Variants in NALF1 observed in about 807,000 individuals in gnomAD.
The protein encoded by NALF1 is family with sequence similarity 155 member A.
In NALF1, 3 loss-of-function variants were observed where a neutral mutation model predicts 48.4. That is an observed-to-expected ratio of 0.06 (90% CI 0.03 to 0.16). NALF1 has a LOEUF of 0.16. NALF1 is among the 10% of genes least tolerant of loss of function. The probability of loss-of-function intolerance (pLI) is 1.00; values close to 1 mark genes in which losing one functional copy is unlikely to be tolerated. For missense variants in NALF1, 526 were observed against 571.5 expected (o/e 0.92, Z 0.81); for synonymous variants, 262 against 245.7 (o/e 1.07, Z -0.62).
chr13:107,203,364 C>T (rs1413806227), intron 2 of NALF1, among the ~76,000 whole-genome samples: 1 of 152,154 alleles, frequency 6.6e-6, no homozygotes, highest in African/African-American at 2.4e-5. Flanking sequence ...GAGGAGATCA[C>T]TACATGCTTT....
chr13:107,675,196 T>C (rs948684965), intron 1 of NALF1, among the ~76,000 whole-genome samples: 1 of 152,212 alleles, frequency 6.6e-6, no homozygotes, highest in East Asian at 1.9e-4. Context: ...ACCATTTCCA[T>C]AGCAACTTGC....
chr13:107,363,259 A>T (rs903328474), intron 1 of NALF1, among the ~76,000 whole-genome samples: 10 of 152,160 alleles, frequency 6.6e-5, no homozygotes, highest in African/African-American at 2.4e-4. Flanking sequence ...TTGATTCTTG[A>T]TGAGGTTGGT....
intron 1 of NALF1, among the ~76,000 whole-genome samples, chr13:107,333,896 C>A (rs887068107): frequency 2.0e-5 from 3 of 152,106 alleles, no homozygotes; most frequent in East Asian, 1.9e-4. Context: ...CTGTGATTTG[C>A]AAGTTTCAGA....
chr13:107,541,612 G>GCCCTT (rs1196155334), intron 1 of NALF1, among the ~76,000 whole-genome samples: 10 of 152,056 alleles, frequency 6.6e-5, no homozygotes, highest in African/African-American at 1.9e-4. Flanking sequence ...TATGCACTGT[G>GCCCTT]CCCTTCAGTT....
At chr13:107,398,735 C>T (rs1482994888) in intron 1 of NALF1, among the ~76,000 whole-genome samples, 1 of 152,056 alleles carries the variant, frequency 6.6e-6, no homozygotes, top group Non-Finnish European at 1.5e-5. Flanking sequence ...TGGTAGATAG[C>T]TGGAACTGAA....
chr13:107,556,390 G>A (rs1338381651), intron 1 of NALF1, among the ~76,000 whole-genome samples: 3 of 149,706 alleles, frequency 2.0e-5, no homozygotes, highest in Non-Finnish European at 4.4e-5. Flanking sequence ...ATAATATTTG[G>A]ATCAGAACTT....
intron 1 of NALF1, among the ~76,000 whole-genome samples, chr13:107,354,036 C>T (rs1286384515): frequency 6.6e-6 from 1 of 152,192 alleles, no homozygotes; most frequent in African/African-American, 2.4e-5. Context: ...GAATACTGCT[C>T]TAATTCACGC....
intron 1 of NALF1, among the ~76,000 whole-genome samples, chr13:107,409,602 G>A (rs906109810): frequency 7.2e-5 from 11 of 152,152 alleles, no homozygotes; most frequent in Admixed American, 4.6e-4. Context: ...GACATCAGTC[G>A]TGGTAAATCA....
intron 1 of NALF1, among the ~76,000 whole-genome samples, chr13:107,588,600 C>T (rs900961790): frequency 1.3e-5 from 2 of 152,080 alleles, no homozygotes; most frequent in African/African-American, 4.8e-5. Flanking sequence ...AATCTGCTGT[C>T]TGTGAGTGTA....
intron 1 of NALF1, among the ~76,000 whole-genome samples, chr13:107,766,480 G>C (rs775770687): frequency 6.6e-6 from 1 of 152,082 alleles, no homozygotes; most frequent in South Asian, 2.1e-4. Context: ...CTGAAACGCA[G>C]AACTGTTCAT....
chr13:107,262,060 T>C (rs139452054), intron 1 of NALF1, among the ~76,000 whole-genome samples: 2,097 of 152,256 alleles, frequency 0.014, 34 homozygotes, highest in African/African-American at 0.046. Flanking sequence ...AATAAATAAA[T>C]GAATAAATAA....
chr13:107,641,922 C>T (rs534576650), intron 1 of NALF1, among the ~76,000 whole-genome samples: 16 of 152,284 alleles, frequency 1.1e-4, no homozygotes. Flanking sequence ...ATACCACACC[C>T]ATTAAATCCA....
At chr13:107,238,948 T>A (rs923384631) in intron 1 of NALF1, among the ~76,000 whole-genome samples, 5 of 152,062 alleles carry the variant, frequency 3.3e-5, no homozygotes, top group Non-Finnish European at 5.9e-5. Context: ...GGGGGATGGA[T>A]TTTAATGGTG....
intron 1 of NALF1, among the ~76,000 whole-genome samples, chr13:107,794,042 G>A (rs569881808): frequency 8.7e-4 from 133 of 152,182 alleles, no homozygotes; most frequent in Non-Finnish European, 1.3e-3. Context: ...CCAAACAGGA[G>A]AGAGAATTTC....
intron 1 of NALF1, among the ~76,000 whole-genome samples, chr13:107,322,653 T>C (rs538060535): frequency 6.6e-6 from 1 of 152,298 alleles, no homozygotes; most frequent in South Asian, 2.1e-4. Flanking sequence ...CCTCTGGTCC[T>C]GGGAACCTCA....
chr13:107,205,343 G>A (rs1879615102), intron 2 of NALF1, among the ~76,000 whole-genome samples: 1 of 152,070 alleles, frequency 6.6e-6, no homozygotes, highest in South Asian at 2.1e-4. Context: ...TCACTCACAA[G>A]TAAACCGTGA....
At chr13:107,450,507 C>T (rs1472265967) in intron 1 of NALF1, among the ~76,000 whole-genome samples, 4 of 152,062 alleles carry the variant, frequency 2.6e-5, no homozygotes. Flanking sequence ...GAGGATGAAG[C>T]GCAGGAATAA....
At chr13:107,418,557 A>T (rs1349280894) in intron 1 of NALF1, among the ~76,000 whole-genome samples, 1 of 151,942 alleles carries the variant, frequency 6.6e-6, no homozygotes, top group African/African-American at 2.4e-5. Flanking sequence ...TTTTTCCCCC[A>T]ACTTTTATTT....
chr13:107,172,682 C>T (rs893052302), intron 2 of NALF1, among the ~76,000 whole-genome samples: 17 of 152,200 alleles, frequency 1.1e-4, no homozygotes, highest in African/African-American at 3.6e-4. Flanking sequence ...CTAGACTAAT[C>T]ATTTATTGAA....
Sources: gnomAD v4.1 joint callset for allele counts (sites outside exome capture counted in the v4.1 genomes callset) on GRCh38, gnomAD v4.1.1 for gene constraint, MANE v1.5 for transcripts, NCBI Gene and HGNC (gene_info 2026-07-23, HGNC 2026-07-21) for gene names.